The following HEY1 variants were observed in gnomAD, a reference collection of about 807,000 sequenced individuals.
HEY1 encodes hairy/enhancer-of-split related with YRPW motif protein 1.
Under a neutral mutation model 28.7 loss-of-function variants are expected in HEY1, and 9 were observed. The observed-to-expected ratio is 0.31, with a 90% CI of 0.19 to 0.55. The LOEUF (loss-of-function observed/expected upper bound fraction) is 0.55. Among genes scored for constraint, HEY1 ranks in the 20% least tolerant of loss-of-function variants. The probability of loss-of-function intolerance (pLI) is 0.93; values close to 1 mark genes in which losing one functional copy is unlikely to be tolerated. For synonymous variants in HEY1, 213 were observed against 175.6 expected, an observed-to-expected ratio of 1.21 and a Z score of -1.68; for missense variants, 385 against 399.4, an observed-to-expected ratio of 0.96 and a Z score of 0.31.
Position 79,767,712 on chromosome 8 carries a change from G to A in HEY1, c.-49C>T, listed in dbSNP as rs1303949385. 2 of 1,396,672 alleles carry A rather than the reference G, an allele frequency of 1.4e-6. No individual in the cohort carries two copies. Among genetic ancestry groups the A allele is most frequent in the East Asian group, 2.5e-5 (1 of 40,408 alleles). The allele number at this position is 1,396,672 out of a possible 1,614,324, so 86.5% of individuals were successfully genotyped here. Reference sequence around the variant, plus strand: ...GGAGGGTCGGCGCGGCGGGCAGGGAGGAGTTAACTACAGCGGCGCCTCTCC... The same window carrying A: ...GGAGGGTCGGCGCGGCGGGCAGGGAAGAGTTAACTACAGCGGCGCCTCTCC... On this transcript the variant is annotated 5_prime_UTR_variant, in exon 1 of 5. Transcript: ENST00000354724.
chr8:79,766,821 G>A, intron 3 of HEY1, 89 bp from the exon 4 acceptor site: 3 of 1,422,990 alleles, frequency 2.1e-6, no homozygotes, highest in Non-Finnish European at 3.0e-6. Flanking sequence ...AAAGATACAT[G>A]CTTTGTAAAT....
In HEY1 at chr8:79,765,029, T is replaced by A. The variant is rs2467789; in HGVS notation, c.*159A>T. The A allele has an allele frequency of 0.75, 403,154 of 541,088 alleles. 151,606 individuals are homozygous for A. Among genetic ancestry groups the A allele is most frequent in the African/African-American group, 0.91 (46,831 of 51,626 alleles). 33.5% of individuals were successfully genotyped at this position (541,088 alleles called of 1,614,324 possible). ...ATGATGAAAAAAACATTAAAAAAGA[T>A]AAAAGTAAACCAACAAACCTTTAGT... On this transcript the variant is annotated 3_prime_UTR_variant, in exon 5 of 5. Coordinates refer to ENST00000354724, the MANE Select transcript of HEY1 (RefSeq NM_012258.4).
intron 1 of HEY1, 119 bp downstream of exon 1, chr8:79,767,441 CTGCCGCCAGCCTGCG>C: frequency 8.8e-7 from 1 of 1,134,562 alleles, no homozygotes; most frequent in Non-Finnish European, 1.3e-6. Context: ...TGGCCGCAGG[CTGCCGCCAGCCTGCG>C]ACGCGCGGAG....
chr8:79,767,700 G>A lies in HEY1; in HGVS notation c.-37C>T, dbSNP rs757909254. 1.3e-6 allele frequency: 2 copies of A among 1,509,572 alleles called. No individual in the cohort carries two copies. The highest frequency in any genetic ancestry group is 1.8e-6 in the Non-Finnish European group (2 of 1,111,804). The allele number at this position is 1,509,572 out of a possible 1,614,324, so 93.5% of individuals were successfully genotyped here. On this transcript the variant is annotated 5_prime_UTR_variant, in exon 1 of 5. Transcript: ENST00000354724. Reference sequence around the variant, plus strand: ...GGGGGTTCCTGGGGAGGGTCGGCGCGGCGGGCAGGGAGGAGTTAACTACAG... The same window carrying A: ...GGGGGTTCCTGGGGAGGGTCGGCGCAGCGGGCAGGGAGGAGTTAACTACAG...
At position 79,764,821 on chromosome 8, in the gene HEY1, G is replaced by A; in HGVS notation, c.*367C>T. 1 of 236,176 alleles carries A rather than the reference G, an allele frequency of 4.2e-6. No homozygotes were observed. Among genetic ancestry groups the A allele is most frequent in the East Asian group, 6.4e-5 (1 of 15,722 alleles). 14.6% of individuals were successfully genotyped at this position (236,176 alleles called of 1,614,324 possible). On this transcript the variant is annotated 3_prime_UTR_variant, in exon 5 of 5. Transcript: ENST00000354724. ...CCATAACTATACAAGGAGAAAAACAGACCAAAAATACTAAATGTTAAGATT... is the reference window on the plus strand; with the variant it reads ...CCATAACTATACAAGGAGAAAAACAAACCAAAAATACTAAATGTTAAGATT...
Position 79,765,194 on chromosome 8 carries a change from A to G in HEY1, c.909T>C (p.Ala303=). ...PYRPWGTEIG[A]F ...CTCATTCTACATCAGTTCTTTAAAA[A>G]GCTCCGATCTCCGTCCCCCAAGGTC... The change falls in exon 5 of 5, where the codon GCT becomes GCC. Residue 303 remains alanine (A), a synonymous_variant. Coordinates refer to ENST00000354724, the MANE Select transcript of HEY1 (RefSeq NM_012258.4). The G allele has an allele frequency of 6.5e-7, 1 of 1,543,482 alleles. No individual in the cohort carries two copies. Among genetic ancestry groups the G allele is most frequent in the South Asian group, 1.2e-5 (1 of 83,180 alleles).
chr8:79,766,120 C>T (rs930096049), intron 4 of HEY1: 7 of 1,029,816 alleles, frequency 6.8e-6, no homozygotes, highest in African/African-American at 3.2e-5. Flanking sequence ...ATTAGACACA[C>T]AGATGTAAGT....
At chr8:79,767,435 C>T (rs1174451460) in intron 1 of HEY1, 140 bp downstream of exon 1, 17 of 1,115,612 alleles carry the variant, frequency 1.5e-5, no homozygotes, top group Non-Finnish European at 2.1e-5. Flanking sequence ...GTTCCCTGGC[C>T]GCAGGCTGCC....
rs1443316802 is a variant in HEY1, at chr8:79,765,474, G to A, written c.629C>T (p.Pro210Leu). 1.9e-6 allele frequency: 3 copies of A among 1,613,308 alleles called. No individual in the cohort carries two copies. In the East Asian group the frequency reaches 6.7e-5, roughly 36 times the overall value. ...GHGNAGTTAS[P>L]TEPHHQGRLG... ...CCTGCCCTGGTGGTGCGGTTCCGTG[G>A]GTGAGGCCGTGGTGCCCGCGTTCCC... is the stretch of plus-strand genomic sequence containing the variant. Residue 210 changes from proline (P) to leucine (L), a missense_variant, in exon 5 of 5, where the codon CCC becomes CTC. Transcript: ENST00000354724.
intron 1 of HEY1, 63 bp downstream of exon 1, chr8:79,767,512 C>G: frequency 6.7e-7 from 1 of 1,487,920 alleles, no homozygotes; most frequent in East Asian, 2.4e-5. Context: ...CCCGCTGTCA[C>G]CGCGGCAGGC....
rs1807883417 is a variant in HEY1 at position 79,767,721 on chromosome 8, TACAGCGGCGCC to T, written c.-69_-59del. On this transcript the variant is annotated 5_prime_UTR_variant, in exon 1 of 5. Coordinates refer to ENST00000354724, the MANE Select transcript of HEY1 (RefSeq NM_012258.4). ...GCGCGGCGGGCAGGGAGGAGTTAAC[TACAGCGGCGCC>T]TCTCCGCTCTCGGCTGCTTGCGTTC... The T allele has an allele frequency of 7.8e-7, 1 of 1,280,720 alleles. No homozygotes were observed. Among genetic ancestry groups the T allele is most frequent in the Non-Finnish European group, 1.1e-6 (1 of 909,818 alleles). 79.3% of individuals were successfully genotyped at this position (1,280,720 alleles called of 1,614,324 possible).
At chr8:79,766,947 G>A (rs769534721) in intron 3 of HEY1, 62 bp downstream of exon 3, 15 of 1,406,822 alleles carry the variant, frequency 1.1e-5, no homozygotes, top group Non-Finnish European at 1.5e-5. Flanking sequence ...TGAGATTAAT[G>A]AGGGGAAGAT....
At position 79,765,341 on chromosome 8, in the gene HEY1, C is replaced by A. The variant is rs1807801839; in HGVS notation, c.762G>T (p.Leu254=). 1.3e-6 allele frequency: 2 copies of A among 1,574,680 alleles called. No individual in the cohort carries two copies. Among genetic ancestry groups the A allele is most frequent in the East Asian group, 4.6e-5 (2 of 43,188 alleles). The change falls in exon 5 of 5, where the codon CTG becomes CTT. Residue 254 remains leucine (L), a synonymous_variant. Transcript: ENST00000354724. ...VTSASKLSPP[L]LSSVASLSAF... Reference sequence around the variant, plus strand: ...CCGACAGGGAGGCCACTGAGGAGAGCAGAGGCGGCGACAGTTTGGAGGCGG... The same window carrying A: ...CCGACAGGGAGGCCACTGAGGAGAGAAGAGGCGGCGACAGTTTGGAGGCGG...
chr8:79,766,350 A>C (rs1807836381), intron 4 of HEY1: 1 of 1,486,440 alleles, frequency 6.7e-7, no homozygotes, highest in African/African-American at 1.4e-5. Flanking sequence ...ATAGCAATGG[A>C]CAAATGTGAA....
In HEY1 at chr8:79,767,300, A is replaced by G. The variant is rs762552376; in HGVS notation, c.90-6T>C. 64 of 1,609,888 alleles carry G rather than the reference A, an allele frequency of 4.0e-5. No individual in the cohort carries two copies. Among genetic ancestry groups the G allele is most frequent in the Non-Finnish European group, 5.1e-5 (60 of 1,178,306 alleles). ...CTAGAGCCGAACTCAAGTTTCTGAA[A>G]AGAGAAAAAGAACAAACAAAAACTG... On this transcript the variant is annotated splice_polypyrimidine_tract_variant and splice_region_variant and intron_variant, in intron 1 of 4. Coordinates refer to ENST00000354724, the MANE Select transcript of HEY1 (RefSeq NM_012258.4).
At chr8:79,767,352 A>G in intron 1 of HEY1, 58 bp from the exon 2 acceptor site, 1 of 1,471,656 alleles carries the variant, frequency 6.8e-7, no homozygotes, top group East Asian at 2.3e-5. Context: ...AGGAGAGGTG[A>G]TCTGAGAGGT....
chr8:79,765,412 C>A lies in HEY1; in HGVS notation c.691G>T (p.Ala231Ser), dbSNP rs1292145455. 2.5e-6 allele frequency: 4 copies of A among 1,610,000 alleles called. No homozygotes were observed. In the Admixed American group the frequency reaches 6.7e-5, roughly 27 times the overall value. ...GGTCCGAGGCTGCCGCTAGGGGGCG[C>A]TCGCAAAGCAGGCGCCTCCGGATGT... ...SAHPEAPALR[A>S]PPSGSLGPVL... Residue 231 changes from alanine to serine, a missense_variant, in exon 5 of 5, where the codon GCG becomes TCG. Physicochemically the swap from Ala to Ser is moderately conservative, Grantham distance 99 (BLOSUM62 1). This residue lies in a region of HEY1 where 223 missense variants were observed against 215.9 expected (regional missense o/e 1.03). Transcript: ENST00000354724.
intron 3 of HEY1, 138 bp from the exon 4 acceptor site, chr8:79,766,870 A>C (rs1807854954): frequency 8.3e-7 from 1 of 1,202,874 alleles, no homozygotes; most frequent in Non-Finnish European, 1.2e-6. Context: ...TTGTCTTCAC[A>C]AAATACGCTG....
rs528107512 is a variant in HEY1, at chr8:79,767,264, G to A, written c.120C>T (p.Ser40=). ...GNLSSALGSM[S]PTTSSQILAR... Reference sequence around the variant, plus strand: ...CCAAAATCTGGGAAGATGTAGTTGGGGACATGGAACCTAGAGCCGAACTCA... The same window carrying A: ...CCAAAATCTGGGAAGATGTAGTTGGAGACATGGAACCTAGAGCCGAACTCA... Residue 40 remains serine, a synonymous_variant, in exon 2 of 5, where the codon TCC becomes TCT. Transcript: ENST00000354724. 18 of 1,613,906 alleles carry A rather than the reference G, an allele frequency of 1.1e-5. 1 individual carries two copies. The South Asian group carries it at 1.5e-4, about 14-fold the overall frequency.
Sources: gnomAD v4.1 joint callset for allele counts on GRCh38, gnomAD v4.1.1 for gene constraint, gnomAD v4.1.1 regional missense constraint, MANE v1.5 for transcripts, NCBI Gene and HGNC (gene_info 2026-07-23, HGNC 2026-07-21) for gene names.